The following KCNAB1 variants were observed in gnomAD, a reference collection of about 807,000 sequenced individuals.
KCNAB1 encodes potassium voltage-gated channel subfamily A regulatory beta subunit 1, also known as voltage-gated potassium channel subunit beta-1.
Under a neutral mutation model 64.6 loss-of-function variants are expected in KCNAB1, and 35 were observed. The observed-to-expected ratio is 0.54, with a 90% CI of 0.41 to 0.72. The LOEUF (loss-of-function observed/expected upper bound fraction) is 0.72, where lower values mean the gene tolerates loss of function less well. Among genes scored for constraint, KCNAB1 ranks in the 30% least tolerant of loss-of-function variants. The pLI is 0.00. For missense variants in KCNAB1, 401 were observed against 512.9 expected (o/e 0.78, Z 2.11); for synonymous variants, 177 against 183.8 (o/e 0.96, Z 0.30).
chr3:156,480,540 TAAA>T (rs112797257), intron 8 of KCNAB1, among the ~76,000 whole-genome samples: 2 of 143,680 alleles, frequency 1.4e-5, no homozygotes, highest in East Asian at 2.0e-4. Flanking sequence ...GAACTTAAAG[TAAA>T]AAAAAAAAAG....
At chr3:156,287,060 G>A (rs1040143931) in intron 1 of KCNAB1, among the ~76,000 whole-genome samples, 2 of 152,084 alleles carry the variant, frequency 1.3e-5, no homozygotes, top group African/African-American at 4.8e-5. Context: ...CGGGAAGGCG[G>A]GGCAGAGTAG....
chr3:156,232,937 G>A (rs1277550886), intron 1 of KCNAB1, among the ~76,000 whole-genome samples: 1 of 151,974 alleles, frequency 6.6e-6, no homozygotes, highest in East Asian at 1.9e-4. Flanking sequence ...CTTTCCTTGA[G>A]CTAAGAGGCC....
chr3:156,451,683 G>T lies in KCNAB1; in HGVS notation c.320-1216G>T, dbSNP rs113637964. ...CCTCCCAAATATCACTTGTGCCCAG[G>T]CTCTACTGCTCTCACTCCTGCCGTC... On this transcript the variant is annotated intron_variant, in intron 2 of 13. Transcript: ENST00000490337. Among the ~76,000 whole-genome samples the T allele has an allele frequency of 3.3e-3, 503 of 152,186 alleles. 5 individuals are homozygous for T. Among genetic ancestry groups the T allele is most frequent in the African/African-American group, 0.011 (465 of 41,502 alleles).
At chr3:156,501,855 A>T (rs1280100879) in intron 8 of KCNAB1, among the ~76,000 whole-genome samples, 3 of 152,214 alleles carry the variant, frequency 2.0e-5, no homozygotes, top group Non-Finnish European at 4.4e-5. Flanking sequence ...GGGAGGTCTC[A>T]GAATCATGGT....
Position 156,465,251 on chromosome 3 carries a change from A to G in KCNAB1, c.528-392A>G, listed in dbSNP as rs9820399. Among the ~76,000 whole-genome samples the G allele has an allele frequency of 2.1e-3, 321 of 152,334 alleles. 1 individual carries two copies. Among genetic ancestry groups the G allele is most frequent in the South Asian group, 4.8e-3 (23 of 4,822 alleles). ...GCTTCCTTTATCAGAAAAGCTAACA[A>G]AAAAGTTCAGCAGCCTGGCAATCTT... is the stretch of plus-strand genomic sequence containing the variant. On this transcript the variant is annotated intron_variant, in intron 6 of 13. Transcript: ENST00000490337.
chr3:156,176,627 T>C, intron 1 of KCNAB1: 1 of 970,772 alleles, frequency 1.0e-6, no homozygotes, highest in Non-Finnish European at 1.7e-6. Flanking sequence ...ACCATAGACA[T>C]TCCACAACAA....
chr3:156,180,855 A>G (rs1712758474), intron 1 of KCNAB1, among the ~76,000 whole-genome samples: 1 of 152,204 alleles, frequency 6.6e-6, no homozygotes, highest in African/African-American at 2.4e-5. Context: ...GGCCTTGAAG[A>G]TGTACATTAG....
intron 1 of KCNAB1, among the ~76,000 whole-genome samples, chr3:156,368,672 A>G (rs1051843364): frequency 6.6e-6 from 1 of 152,214 alleles, no homozygotes; most frequent in Admixed American, 6.5e-5. Context: ...ACATTTATTA[A>G]TAAGTGTGAC....
At chr3:156,506,119 A>G (rs1716819548) in intron 8 of KCNAB1, among the ~76,000 whole-genome samples, 1 of 152,164 alleles carries the variant, frequency 6.6e-6, no homozygotes, top group South Asian at 2.1e-4. Context: ...TTTATTTTTC[A>G]GCTAGTTTGT....
At chr3:156,139,584 GTT>G (rs386398329) in intron 1 of KCNAB1, among the ~76,000 whole-genome samples, 972 of 55,176 alleles carry the variant, frequency 0.018, 4 homozygotes, top group Non-Finnish European at 0.021. Context: ...ATTGTACTGT[GTT>G]TTTTTTTTTT....
chr3:156,239,973 T>C (rs1239691802), intron 1 of KCNAB1, among the ~76,000 whole-genome samples: 12 of 152,114 alleles, frequency 7.9e-5, no homozygotes. Context: ...CTACAGGAAA[T>C]ACATCATGTT....
At chr3:156,335,610 A>T (rs1407481671) in intron 1 of KCNAB1, among the ~76,000 whole-genome samples, 1 of 152,218 alleles carries the variant, frequency 6.6e-6, no homozygotes, top group Non-Finnish European at 1.5e-5. Flanking sequence ...TTTCCAGGTA[A>T]GGAAGTAATT....
chr3:156,276,657 G>T (rs1267218799), intron 1 of KCNAB1, among the ~76,000 whole-genome samples: 1 of 152,054 alleles, frequency 6.6e-6, no homozygotes, highest in East Asian at 1.9e-4. Flanking sequence ...TATGGAGATG[G>T]CTTCTTTCCT....
At position 156,311,796 on chromosome 3, in the gene KCNAB1, C is replaced by T. The variant is rs1169238120; in HGVS notation, c.276-109820C>T. ...TGTGGGGCTAAGGGACACATCAATA[C>T]GAGTGTGACTTGTTACTCCTGAATC... On this transcript the variant is annotated intron_variant, in intron 1 of 13. Coordinates refer to ENST00000490337, the MANE Select transcript of KCNAB1 (RefSeq NM_172160.3). Among the ~76,000 whole-genome samples, 3 of 152,156 alleles carry T rather than the reference C, an allele frequency of 2.0e-5. 1 individual carries two copies. The highest frequency in any genetic ancestry group is 7.2e-5 in the African/African-American group (3 of 41,422).
At chr3:156,138,464 A>G (rs79062926) in intron 1 of KCNAB1, among the ~76,000 whole-genome samples, 10,957 of 152,240 alleles carry the variant, frequency 0.072, 482 homozygotes, top group Non-Finnish European at 0.094. Context: ...TTTATTTTAG[A>G]CCTGGATGTT....
chr3:156,349,104 C>T (rs4630897), intron 1 of KCNAB1, among the ~76,000 whole-genome samples: 17,229 of 152,202 alleles, frequency 0.11, 3,120 homozygotes, highest in African/African-American at 0.38. Flanking sequence ...AAGGAACACA[C>T]GCTTAGTTAT....
At chr3:156,298,442 T>A (rs1384990357) in intron 1 of KCNAB1, among the ~76,000 whole-genome samples, 1 of 152,264 alleles carries the variant, frequency 6.6e-6, no homozygotes, top group African/African-American at 2.4e-5. Context: ...ACACTCATTT[T>A]AAAGAAATTC....
chr3:156,306,156 A>G (rs1020209308), intron 1 of KCNAB1, among the ~76,000 whole-genome samples: 10 of 152,334 alleles, frequency 6.6e-5, no homozygotes, highest in Middle Eastern at 6.8e-3. Context: ...AAAAAAAGTG[A>G]TGTAACTATT....
chr3:156,315,934 T>C (rs1182661435), intron 1 of KCNAB1, among the ~76,000 whole-genome samples: 2 of 152,208 alleles, frequency 1.3e-5, no homozygotes, highest in African/African-American at 4.8e-5. Flanking sequence ...GTTTGTATCA[T>C]AGAAGAATAA....
Sources: gnomAD v4.1 joint callset for allele counts (sites outside exome capture counted in the v4.1 genomes callset) on GRCh38, gnomAD v4.1.1 for gene constraint, MANE v1.5 for transcripts, NCBI Gene and HGNC (gene_info 2026-07-23, HGNC 2026-07-21) for gene names.